Variants in HTR2C observed in about 807,000 individuals in gnomAD.
The protein encoded by HTR2C is 5-hydroxytryptamine receptor 2C.
In HTR2C, 5 loss-of-function variants were observed where a neutral mutation model predicts 21.0. The ratio of observed to expected loss-of-function variants is 0.24; its 90% confidence interval spans 0.12 to 0.50. The LOEUF (loss-of-function observed/expected upper bound fraction) is 0.50. Ranked by LOEUF, HTR2C falls within the 20% of genes least tolerant of loss-of-function variation. The pLI is 0.98. For missense variants in HTR2C, 271 were observed against 371.2 expected (o/e 0.73, Z 2.22); for synonymous variants, 150 against 145.3 (o/e 1.03, Z -0.23).
At chrX:114,763,204 C>T in intron 4 of HTR2C, 1 of 127,469 alleles carries the variant, frequency 7.8e-6, no homozygotes, top group Middle Eastern at 6.8e-4. Flanking sequence ...CTGAGTACCG[C>T]CATGTCTGTT....
intron 4 of HTR2C, among the ~76,000 whole-genome samples, chrX:114,831,677 T>G (rs1452652422): frequency 9.2e-6 from 1 of 108,455 alleles, no homozygotes; most frequent in Non-Finnish European, 1.9e-5. Context: ...TAGTTTCTTT[T>G]GCTGTGCAGA....
At chrX:114,836,868 A>C (rs868971181) in intron 4 of HTR2C, among the ~76,000 whole-genome samples, 1 of 107,734 alleles carries the variant, frequency 9.3e-6, no homozygotes, top group Admixed American at 1.0e-4. Flanking sequence ...TTTATCTGTA[A>C]ATTTTTTTAT....
At chrX:114,776,390 T>C in intron 4 of HTR2C, 1 of 757,659 alleles carries the variant, frequency 1.3e-6, no homozygotes, top group Non-Finnish European at 2.1e-6. Flanking sequence ...TTCTGCAATT[T>C]CCTTCATCTT....
At chrX:114,873,008 T>C (rs1556476966) in intron 5 of HTR2C, among the ~76,000 whole-genome samples, 1 of 112,006 alleles carries the variant, frequency 8.9e-6, no homozygotes, top group African/African-American at 3.2e-5. Context: ...AGTGTTCTCA[T>C]TGTTTTTACG....
At chrX:114,805,955 CAT>C (rs2070419799) in intron 4 of HTR2C, among the ~76,000 whole-genome samples, 2 of 58,613 alleles carry the variant, frequency 3.4e-5, no homozygotes, top group South Asian at 1.3e-3. Context: ...ATATATACAC[CAT>C]ATATATACCA....
chrX:114,773,577 G>A (rs2070026717), intron 4 of HTR2C, among the ~76,000 whole-genome samples: 1 of 112,113 alleles, frequency 8.9e-6, no homozygotes, highest in Non-Finnish European at 1.9e-5. Flanking sequence ...GTTTGTCAGT[G>A]CACTTTGGGA....
rs782534025 is a variant in HTR2C, at chrX:114,740,484, CGT to C, written c.349+8882_349+8883del. Among the ~76,000 whole-genome samples, 537 of 111,087 alleles carry C rather than the reference CGT, an allele frequency of 4.8e-3. 4 individuals are homozygous for C. The highest frequency in any genetic ancestry group is 0.016 in the African/African-American group (503 of 30,616). On this transcript the variant is annotated intron_variant, in intron 4 of 5. Transcript: ENST00000276198. ...TCTAAAGTGTTCACTGGATGATAAA[CGT>C]GTGTTAATAGCAACATATATATGTG...
chrX:114,724,942 T>C (rs375978288), intron 2 of HTR2C, among the ~76,000 whole-genome samples: 1 of 109,865 alleles, frequency 9.1e-6, no homozygotes, highest in East Asian at 2.9e-4. Flanking sequence ...TCTGGCTGCC[T>C]TTAACATTTT....
At chrX:114,858,308 A>G (rs1445607725) in intron 5 of HTR2C, among the ~76,000 whole-genome samples, 5 of 111,377 alleles carry the variant, frequency 4.5e-5, no homozygotes, top group African/African-American at 1.6e-4. Flanking sequence ...TTGTCTTAAC[A>G]ATACTATGGC....
chrX:114,833,188 T>C (rs1164107124), intron 4 of HTR2C, among the ~76,000 whole-genome samples: 3 of 101,198 alleles, frequency 3.0e-5, no homozygotes, highest in African/African-American at 1.1e-4. Context: ...CTACCCGGCT[T>C]TGGTATCAGA....
In HTR2C at chrX:114,887,744, G is replaced by T. The variant is rs140114302; in HGVS notation, c.551-18845G>T. Among the ~76,000 whole-genome samples, 568 of 110,558 alleles carry T rather than the reference G, an allele frequency of 5.1e-3. 3 individuals are homozygous for T. Among genetic ancestry groups the T allele is most frequent in the Middle Eastern group, 0.019 (4 of 211 alleles). On this transcript the variant is annotated intron_variant, in intron 5 of 5. Coordinates refer to ENST00000276198, the MANE Select transcript of HTR2C (RefSeq NM_000868.4). ...TCTGATTAAAAGCCAGCTGTTGGCC[G>T]GGCGCGGTGCCTCATGCCTGTAATC...
chrX:114,730,633 G>A (rs1602728028), intron 3 of HTR2C, among the ~76,000 whole-genome samples: 1 of 111,348 alleles, frequency 9.0e-6, no homozygotes, highest in Middle Eastern at 4.7e-3. Flanking sequence ...TCTTCCAGAC[G>A]CTTTGCCGGA....
At chrX:114,596,866 C>G (rs781915515) in intron 1 of HTR2C, among the ~76,000 whole-genome samples, 2 of 111,541 alleles carry the variant, frequency 1.8e-5, no homozygotes, top group South Asian at 7.5e-4. Context: ...CTCCAGCCTG[C>G]TCTTGATCTG....
intron 2 of HTR2C, among the ~76,000 whole-genome samples, chrX:114,705,647 G>C (rs1411317569): frequency 2.1e-5 from 2 of 94,827 alleles, no homozygotes; most frequent in African/African-American, 7.4e-5. Context: ...CATAGGCATG[G>C]GCAAGGACTT....
At chrX:114,709,293 T>C (rs1358944299) in intron 2 of HTR2C, among the ~76,000 whole-genome samples, 1 of 112,081 alleles carries the variant, frequency 8.9e-6, no homozygotes. Context: ...CCTAGTCGAT[T>C]ATTATTCTGT....
chrX:114,589,440 C>A (rs782038943), intron 1 of HTR2C, among the ~76,000 whole-genome samples: 10 of 111,127 alleles, frequency 9.0e-5, no homozygotes, highest in Non-Finnish European at 1.9e-4. Flanking sequence ...GTGAGTTGGA[C>A]CCACAGGTTT....
At chrX:114,877,980 C>T (rs1338175438) in intron 5 of HTR2C, among the ~76,000 whole-genome samples, 4 of 110,680 alleles carry the variant, frequency 3.6e-5, no homozygotes, top group African/African-American at 6.5e-5. Flanking sequence ...CATTTAGTCT[C>T]TAGTGTTTTT....
At chrX:114,851,874 T>C (rs1276848595) in intron 5 of HTR2C, among the ~76,000 whole-genome samples, 1 of 111,293 alleles carries the variant, frequency 9.0e-6, no homozygotes, top group Non-Finnish European at 1.9e-5. Flanking sequence ...TAATAGGATA[T>C]CATTGCTCCT....
intron 4 of HTR2C, among the ~76,000 whole-genome samples, chrX:114,751,509 T>G (rs1458574713): frequency 3.6e-5 from 4 of 111,744 alleles, no homozygotes; most frequent in South Asian, 3.7e-4. Flanking sequence ...TAAACTTGAT[T>G]AGAGGAAAAT....
Sources: gnomAD v4.1 joint callset for allele counts (sites outside exome capture counted in the v4.1 genomes callset) on GRCh38, gnomAD v4.1.1 for gene constraint, MANE v1.5 for transcripts, NCBI Gene and HGNC (gene_info 2026-07-23, HGNC 2026-07-21) for gene names.